The following MAP4K3 variants were observed in gnomAD, a reference collection of about 807,000 sequenced individuals.
The protein encoded by MAP4K3 is MAPK/ERK kinase kinase kinase 3.
Under a neutral mutation model 143.5 loss-of-function variants are expected in MAP4K3, and 94 were observed. That is an observed-to-expected ratio of 0.65 (90% confidence interval 0.55 to 0.78). The LOEUF (loss-of-function observed/expected upper bound fraction) is 0.78, where lower values mean the gene tolerates loss of function less well. MAP4K3 is among the 30% of genes least tolerant of loss of function. The probability of loss-of-function intolerance (pLI) is 0.00; values close to 1 mark genes in which losing one functional copy is unlikely to be tolerated. For missense variants in MAP4K3, 1,077 were observed against 1,068.1 expected, an observed-to-expected ratio of 1.01 and a Z score of -0.12; for synonymous variants, 416 against 347.2, an observed-to-expected ratio of 1.20 and a Z score of -2.20.
chr2:39,348,902 A>T (rs1005213003), intron 3 of MAP4K3, among the ~76,000 whole-genome samples: 1 of 152,168 alleles, frequency 6.6e-6, no homozygotes, highest in Non-Finnish European at 1.5e-5. Context: ...CACATCACAG[A>T]CTTAAAACTG....
rs372350906 is a variant in MAP4K3, at chr2:39,255,499, C to T, written c.2471-979G>A. Among the ~76,000 whole-genome samples the T allele has an allele frequency of 3.6e-3, 543 of 152,182 alleles. 8 individuals are homozygous for T. In the South Asian group the frequency reaches 0.063, roughly 18 times the overall value. ...ACTAATACATAATGCCACGAATTTC[C>T]ATTTACATGTGGGTCTATTTCTGGG... is the stretch of plus-strand genomic sequence containing the variant. On this transcript the variant is annotated intron_variant, in intron 31 of 33. Coordinates refer to ENST00000263881, the MANE Select transcript of MAP4K3 (RefSeq NM_003618.4).
At position 39,293,220 on chromosome 2, in the gene MAP4K3, T is replaced by C. The variant is rs1415653773; in HGVS notation, c.1217+10A>G. 6.5e-7 allele frequency: 1 copy of C among 1,540,106 alleles called. No homozygotes were observed. The highest frequency in any genetic ancestry group is 1.2e-5 in the South Asian group (1 of 81,532). ...ACATAAAGTACTTTAAGATTAAAAA[T>C]TAAAATTACCGCTGATGCAATTCTT... is the stretch of plus-strand genomic sequence containing the variant. On this transcript the variant is annotated intron_variant, in intron 17 of 33. Transcript: ENST00000263881.
intron 1 of MAP4K3, among the ~76,000 whole-genome samples, chr2:39,381,574 T>C (rs566289612): frequency 8.8e-5 from 13 of 147,030 alleles, no homozygotes; most frequent in Admixed American, 3.3e-4. Flanking sequence ...CAAATACTTT[T>C]TTCCTATGAT....
At chr2:39,410,295 A>T (rs527359202) in intron 1 of MAP4K3, among the ~76,000 whole-genome samples, 17 of 152,328 alleles carry the variant, frequency 1.1e-4, no homozygotes, top group Non-Finnish European at 2.5e-4. Flanking sequence ...AAATAGCCAC[A>T]ATCAAGAATT....
At chr2:39,308,133 C>A in intron 14 of MAP4K3, 128 bp from the exon 15 acceptor site, 1 of 535,044 alleles carries the variant, frequency 1.9e-6, no homozygotes, top group South Asian at 4.0e-5. Flanking sequence ...AATGGAGAGT[C>A]AAACTGTATT....
chr2:39,279,356 G>A (rs1681411361), intron 23 of MAP4K3, among the ~76,000 whole-genome samples: 1 of 152,062 alleles, frequency 6.6e-6, no homozygotes. Context: ...AGCACCAATT[G>A]GCTATAAACA....
chr2:39,421,814 C>T (rs773982899), intron 1 of MAP4K3, among the ~76,000 whole-genome samples: 4 of 152,000 alleles, frequency 2.6e-5, no homozygotes, highest in African/African-American at 9.7e-5. Context: ...CTTCATTCTT[C>T]GATTTTCACC....
At chr2:39,346,165 T>C (rs1361619729) in intron 3 of MAP4K3, among the ~76,000 whole-genome samples, 1 of 152,218 alleles carries the variant, frequency 6.6e-6, no homozygotes, top group Non-Finnish European at 1.5e-5. Flanking sequence ...GGCAGATGTG[T>C]GGTCTTTCTA....
At chr2:39,373,767 G>C (rs1666143727) in intron 2 of MAP4K3, among the ~76,000 whole-genome samples, 1 of 152,204 alleles carries the variant, frequency 6.6e-6, no homozygotes, top group Admixed American at 6.5e-5. Flanking sequence ...ATAGAGAGTA[G>C]AAGCATGGTT....
At chr2:39,300,863 C>T (rs1018657727) in intron 15 of MAP4K3, among the ~76,000 whole-genome samples, 2 of 152,182 alleles carry the variant, frequency 1.3e-5, no homozygotes, top group Admixed American at 1.3e-4. Flanking sequence ...AAGCGAGCTC[C>T]TTAAACAATG....
intron 1 of MAP4K3, among the ~76,000 whole-genome samples, chr2:39,429,100 T>C (rs1421230188): frequency 7.2e-6 from 1 of 138,924 alleles, no homozygotes; most frequent in Non-Finnish European, 1.6e-5. Flanking sequence ...GGAGTCCATA[T>C]GCTCAGGGTT....
chr2:39,345,677 T>C (rs1237073855), intron 3 of MAP4K3, among the ~76,000 whole-genome samples: 1 of 151,960 alleles, frequency 6.6e-6, no homozygotes, highest in Non-Finnish European at 1.5e-5. Context: ...TCCAGCACTT[T>C]GGGAGGCCGA....
chr2:39,286,425 A>T (rs915808084), intron 21 of MAP4K3, among the ~76,000 whole-genome samples: 2 of 152,148 alleles, frequency 1.3e-5, no homozygotes, highest in Non-Finnish European at 2.9e-5. Context: ...TATAGTTAGA[A>T]ATTTGTCCTG....
At chr2:39,313,640 G>C (rs886868237) in intron 13 of MAP4K3, among the ~76,000 whole-genome samples, 1 of 152,042 alleles carries the variant, frequency 6.6e-6, no homozygotes, top group Non-Finnish European at 1.5e-5. Context: ...AGCCTCCCCA[G>C]TAGCTGGGAC....
chr2:39,353,042 A>G (rs1463788444), intron 3 of MAP4K3, among the ~76,000 whole-genome samples: 1 of 152,210 alleles, frequency 6.6e-6, no homozygotes, highest in Non-Finnish European at 1.5e-5. Context: ...CTCTGAGACT[A>G]AATCTGGCCT....
At position 39,324,321 on chromosome 2, in the gene MAP4K3, C is replaced by T. The variant is rs145349462; in HGVS notation, c.918+1197G>A. Among the ~76,000 whole-genome samples, 256 of 151,900 alleles carry T rather than the reference C, an allele frequency of 1.7e-3. 6 individuals carry two copies. The East Asian group carries it at 0.024, about 14-fold the overall frequency. ...ACTCAGGAGGCTGAGGCAGGAGAAT[C>T]GTTTGAACCCAGGAGGCAGAGGCTG... On this transcript the variant is annotated intron_variant, in intron 12 of 33. Coordinates refer to ENST00000263881, the MANE Select transcript of MAP4K3 (RefSeq NM_003618.4).
At chr2:39,421,524 G>T (rs1572511093) in intron 1 of MAP4K3, among the ~76,000 whole-genome samples, 1 of 152,012 alleles carries the variant, frequency 6.6e-6, no homozygotes, top group Non-Finnish European at 1.5e-5. Context: ...GCCTATTCTT[G>T]ACCTTTCTTT....
rs3086434 is a variant in MAP4K3 at position 39,392,183 on chromosome 2, C to CAAAAAAAAAAAAAAAA, written c.97-14076_97-14061dup. Among the ~76,000 whole-genome samples, 45 of 69,034 alleles carry CAAAAAAAAAAAAAAAA rather than the reference C, an allele frequency of 6.5e-4. 2 individuals carry two copies. The highest frequency in any genetic ancestry group is 3.8e-3 in the East Asian group (8 of 2,096). The allele number at this position is 69,034 out of a possible 152,430, so 45.3% of individuals were successfully genotyped here. On this transcript the variant is annotated intron_variant, in intron 1 of 33. Transcript: ENST00000263881. ...CTGGCAACAGAACGACACTCCTACT[C>CAAAAAAAAAAAAAAAA]AAAAAAAAAAAAAAAAAAAAAATTA...
At chr2:39,430,927 T>C (rs1338391767) in intron 1 of MAP4K3, among the ~76,000 whole-genome samples, 4 of 152,238 alleles carry the variant, frequency 2.6e-5, no homozygotes, top group Admixed American at 6.5e-5. Context: ...ATCTCCTTCC[T>C]CTAAACTCAT....
Sources: allele counts gnomAD v4.1 joint callset (sites outside exome capture counted in the v4.1 genomes callset), GRCh38; gene constraint gnomAD v4.1.1; transcripts MANE v1.5; gene names NCBI Gene and HGNC (gene_info 2026-07-23, HGNC 2026-07-21).